GUCY1A2: variants seen among roughly 807,000 people sequenced by gnomAD.
The protein encoded by GUCY1A2 is guanylate cyclase soluble subunit alpha-2.
GUCY1A2 carries 27 observed loss-of-function variants against 63.5 expected under a neutral mutation model. The observed-to-expected ratio is 0.43, with a 90% CI of 0.31 to 0.59. The LOEUF is 0.59. Among genes scored for constraint, GUCY1A2 ranks in the 20% least tolerant of loss-of-function variants. The pLI, the probability that GUCY1A2 is intolerant of heterozygous loss-of-function variation, is 0.11. For missense variants in GUCY1A2, 768 were observed against 913.3 expected (o/e 0.84, Z 2.05); for synonymous variants, 364 against 343.5 (o/e 1.06, Z -0.66).
Position 106,675,443 on chromosome 11 carries a change from C to T in GUCY1A2, c.*12106G>A, listed in dbSNP as rs1406024781. On this transcript the variant is annotated 3_prime_UTR_variant, in exon 8 of 8. Coordinates refer to ENST00000526355, the MANE Select transcript of GUCY1A2 (RefSeq NM_000855.3). ...TTCCGCATAGTCGGAATAATTTTTG[C>T]TCCAAATTCTTAAAGGAGACAATGA... 4 of 201,114 alleles carry T rather than the reference C, an allele frequency of 2.0e-5. No homozygotes were observed. The highest frequency in any genetic ancestry group is 4.1e-5 in the Non-Finnish European group (4 of 97,788). The allele number at this position is 201,114 out of a possible 1,614,324, so 12.5% of individuals were successfully genotyped here. A position where few individuals can be genotyped will look rare whatever the true frequency, so the allele number is the denominator to read the frequency against.
At chr11:106,799,328 A>G (rs1391246975) in intron 5 of GUCY1A2, among the ~76,000 whole-genome samples, 4 of 152,188 alleles carry the variant, frequency 2.6e-5, no homozygotes, top group Admixed American at 2.0e-4. Context: ...TGCCCGAGGT[A>G]ATTTCTAGAT....
chr11:106,787,553 A>T (rs1234742091), intron 5 of GUCY1A2, among the ~76,000 whole-genome samples: 1 of 582 alleles, frequency 1.7e-3, no homozygotes, highest in Non-Finnish European at 3.7e-3. Flanking sequence ...AAAGATAGAG[A>T]AAGAGAGAGA....
At chr11:107,005,423 C>G (rs1050931046) in intron 1 of GUCY1A2, among the ~76,000 whole-genome samples, 1 of 152,068 alleles carries the variant, frequency 6.6e-6, no homozygotes, top group African/African-American at 2.4e-5. Flanking sequence ...CAGGTGCATG[C>G]CACTGTGCCC....
intron 6 of GUCY1A2, among the ~76,000 whole-genome samples, chr11:106,723,456 TAAC>T (rs1157485430): frequency 6.6e-6 from 1 of 152,230 alleles, no homozygotes; most frequent in Non-Finnish European, 1.5e-5. Context: ...AACAAAGATA[TAAC>T]AACATTTTTC....
intron 6 of GUCY1A2, among the ~76,000 whole-genome samples, chr11:106,763,516 C>T (rs544570832): frequency 8.5e-5 from 13 of 152,172 alleles, no homozygotes; most frequent in African/African-American, 2.9e-4. Context: ...ATTGAAATAA[C>T]TAAATATATG....
chr11:106,971,870 T>A (rs546560588), intron 3 of GUCY1A2, among the ~76,000 whole-genome samples: 1 of 152,064 alleles, frequency 6.6e-6, no homozygotes. Flanking sequence ...TCTAGACAAC[T>A]GGGGCAGAAA....
At chr11:106,797,181 C>CT (rs986483406) in intron 5 of GUCY1A2, among the ~76,000 whole-genome samples, 8 of 152,022 alleles carry the variant, frequency 5.3e-5, no homozygotes, top group Non-Finnish European at 8.8e-5. Context: ...TTCGTCTAAT[C>CT]TTTTTTCAAG....
At chr11:106,886,764 A>C (rs899761093) in intron 4 of GUCY1A2, among the ~76,000 whole-genome samples, 2 of 152,214 alleles carry the variant, frequency 1.3e-5, no homozygotes, top group African/African-American at 4.8e-5. Flanking sequence ...TACCCTCTTC[A>C]AAATCTCTAA....
intron 3 of GUCY1A2, among the ~76,000 whole-genome samples, chr11:106,970,201 C>T (rs1035043724): frequency 6.6e-6 from 1 of 152,090 alleles, no homozygotes; most frequent in Non-Finnish European, 1.5e-5. Flanking sequence ...TATTTCAACA[C>T]CTTCAACAAA....
chr11:106,755,238 C>A (rs914098749), intron 6 of GUCY1A2, among the ~76,000 whole-genome samples: 1 of 151,780 alleles, frequency 6.6e-6, no homozygotes, highest in East Asian at 1.9e-4. Flanking sequence ...ATTCTTATCT[C>A]TTTTCTTATT....
chr11:106,735,536 GT>G (rs1267703086), intron 6 of GUCY1A2, among the ~76,000 whole-genome samples: 1 of 151,960 alleles, frequency 6.6e-6, no homozygotes, highest in Non-Finnish European at 1.5e-5. Context: ...TTATTAATTT[GT>G]CTGTGGACAG....
At chr11:106,753,567 T>C (rs1246901796) in intron 6 of GUCY1A2, among the ~76,000 whole-genome samples, 2 of 152,256 alleles carry the variant, frequency 1.3e-5, no homozygotes, top group African/African-American at 2.4e-5. Flanking sequence ...GGATCCAGTT[T>C]CAGCTTTCTA....
At chr11:106,886,839 G>A (rs1034329492) in intron 4 of GUCY1A2, among the ~76,000 whole-genome samples, 1 of 152,036 alleles carries the variant, frequency 6.6e-6, no homozygotes, top group African/African-American at 2.4e-5. Flanking sequence ...GTCCATCTTA[G>A]AGTCCTCCAA....
intron 6 of GUCY1A2, among the ~76,000 whole-genome samples, chr11:106,727,763 A>G (rs898880289): frequency 6.6e-6 from 1 of 152,178 alleles, no homozygotes; most frequent in African/African-American, 2.4e-5. Flanking sequence ...AAATGTCTCC[A>G]TATTTTCTGC....
intron 6 of GUCY1A2, among the ~76,000 whole-genome samples, chr11:106,744,387 C>T (rs1215223625): frequency 6.6e-6 from 1 of 151,972 alleles, no homozygotes; most frequent in Non-Finnish European, 1.5e-5. Context: ...GCTGGGACTA[C>T]AGGCACCCAC....
intron 5 of GUCY1A2, among the ~76,000 whole-genome samples, chr11:106,787,896 T>C (rs1434624697): frequency 2.0e-5 from 3 of 152,090 alleles, no homozygotes; most frequent in Non-Finnish European, 4.4e-5. Flanking sequence ...TTTGGACATA[T>C]ACTTAAGAGT....
At chr11:106,846,217 C>T (rs2200657) in intron 4 of GUCY1A2, among the ~76,000 whole-genome samples, 137,823 of 151,532 alleles carry the variant, frequency 0.91, 62,762 homozygotes, top group East Asian at 1. Context: ...TAAACTACAT[C>T]TTTGGTAATA....
At chr11:106,799,682 A>G (rs1323662449) in intron 5 of GUCY1A2, among the ~76,000 whole-genome samples, 1 of 152,230 alleles carries the variant, frequency 6.6e-6, no homozygotes, top group East Asian at 1.9e-4. Flanking sequence ...AAAACTGGCT[A>G]GCCATATGTA....
At chr11:106,825,449 A>G (rs2135433010) in intron 4 of GUCY1A2, among the ~76,000 whole-genome samples, 1 of 150,466 alleles carries the variant, frequency 6.6e-6, no homozygotes, top group South Asian at 2.1e-4. Flanking sequence ...ACAGCTGATG[A>G]GCTTAAAAAA....
Sources: allele counts gnomAD v4.1 joint callset (sites outside exome capture counted in the v4.1 genomes callset), GRCh38; gene constraint gnomAD v4.1.1; transcripts MANE v1.5; gene names NCBI Gene and HGNC (gene_info 2026-07-23, HGNC 2026-07-21).